Variants in FAM110B observed in about 807,000 individuals in gnomAD.
The protein encoded by FAM110B is protein FAM110B.
Under a neutral mutation model 20.4 loss-of-function variants are expected in FAM110B, and 6 were observed. The ratio of observed to expected loss-of-function variants is 0.29; its 90% confidence interval spans 0.16 to 0.58. The LOEUF (loss-of-function observed/expected upper bound fraction) is 0.58, where lower values mean the gene tolerates loss of function less well. FAM110B is among the 20% of genes least tolerant of loss of function. The probability of loss-of-function intolerance (pLI) is 0.90; values close to 1 mark genes in which losing one functional copy is unlikely to be tolerated. For missense variants in FAM110B, 434 were observed against 498.2 expected (o/e 0.87, Z 1.23); for synonymous variants, 226 against 214.1 (o/e 1.06, Z -0.49).
At chr8:58,044,251 C>T (rs1805278804) in intron 2 of FAM110B, among the ~76,000 whole-genome samples, 1 of 152,172 alleles carries the variant, frequency 6.6e-6, no homozygotes, top group Non-Finnish European at 1.5e-5. Context: ...ACATAGACTA[C>T]CGTGGTCATG....
At chr8:58,030,720 C>A (rs969203915) in intron 1 of FAM110B, among the ~76,000 whole-genome samples, 2 of 152,266 alleles carry the variant, frequency 1.3e-5, no homozygotes, top group Non-Finnish European at 2.9e-5. Flanking sequence ...TTGGCTCCTG[C>A]TTTTGAGTAA....
At chr8:58,018,389 T>C (rs1287971828) in intron 1 of FAM110B, among the ~76,000 whole-genome samples, 3 of 152,184 alleles carry the variant, frequency 2.0e-5, no homozygotes, top group African/African-American at 7.2e-5. Flanking sequence ...AAGTTTACTT[T>C]GTCTGATATT....
At chr8:58,064,324 G>T (rs1229875417) in intron 2 of FAM110B, among the ~76,000 whole-genome samples, 5 of 151,830 alleles carry the variant, frequency 3.3e-5, no homozygotes, top group Non-Finnish European at 7.4e-5. Flanking sequence ...TCATTTTTGG[G>T]GCATGTGATC....
At chr8:58,142,181 A>T (rs1444322641) in intron 3 of FAM110B, among the ~76,000 whole-genome samples, 1 of 152,226 alleles carries the variant, frequency 6.6e-6, no homozygotes, top group Non-Finnish European at 1.5e-5. Context: ...TCATTCAGAG[A>T]CAAGTAACTT....
intron 2 of FAM110B, among the ~76,000 whole-genome samples, chr8:58,039,786 T>C (rs1805168750): frequency 6.6e-6 from 1 of 152,138 alleles, no homozygotes; most frequent in South Asian, 2.1e-4. Flanking sequence ...AGACAGGGAC[T>C]CCGTCCCTTG....
chr8:58,146,984 C>T lies in FAM110B; in HGVS notation c.754C>T (p.Arg252Ter), dbSNP rs1418115256. Residue 252 changes from arginine to a stop codon, truncating the protein, a stop_gained, in exon 4 of 4, where the codon CGA becomes TGA. Transcript: ENST00000519262. LOFTEE classifies it high-confidence loss of function. ...DPVEPACGVS[R>*]RPSLQRSKSD... Reference sequence around the variant, plus strand: ...TGTGGAACCAGCTTGTGGAGTCAGCCGAAGACCCTCCCTCCAGCGGTCTAA... The same window carrying T: ...TGTGGAACCAGCTTGTGGAGTCAGCTGAAGACCCTCCCTCCAGCGGTCTAA... The T allele has an allele frequency of 6.2e-7, 1 of 1,614,206 alleles. No individual in the cohort carries two copies. Among genetic ancestry groups the T allele is most frequent in the Admixed American group, 1.7e-5 (1 of 60,030 alleles).
intron 2 of FAM110B, among the ~76,000 whole-genome samples, chr8:58,040,322 C>T (rs921072999): frequency 1.3e-5 from 2 of 152,194 alleles, no homozygotes; most frequent in Non-Finnish European, 2.9e-5. Flanking sequence ...TTGCTTTCCT[C>T]TAACGTTACC....
chr8:58,074,797 C>G lies in FAM110B; in HGVS notation c.-413-738C>G, dbSNP rs536424406. On this transcript the variant is annotated intron_variant, in intron 2 of 3. Transcript: ENST00000519262. ...TGCGGAGCCCCTCACCTTGAATGGG[C>G]CTCAGTTTCTGGTTCTGTAGATGGG... 2.0e-5 allele frequency among the ~76,000 whole-genome samples: 3 copies of G among 152,220 alleles called. No homozygotes were observed. In the South Asian group the frequency reaches 6.2e-4, roughly 32 times the overall value.
intron 2 of FAM110B, among the ~76,000 whole-genome samples, chr8:58,070,732 A>G (rs922477683): frequency 5.3e-5 from 8 of 152,198 alleles, no homozygotes. Flanking sequence ...TTGAGTCCAC[A>G]CTGTCCTGAA....
chr8:58,028,973 C>T (rs1804912993), intron 1 of FAM110B, among the ~76,000 whole-genome samples: 1 of 152,180 alleles, frequency 6.6e-6, no homozygotes, highest in Non-Finnish European at 1.5e-5. Flanking sequence ...CCTTGGTGAC[C>T]TCCATCATCA....
chr8:58,037,898 C>G (rs1306131738), intron 2 of FAM110B, among the ~76,000 whole-genome samples: 2 of 152,142 alleles, frequency 1.3e-5, no homozygotes, highest in African/African-American at 4.8e-5. Context: ...CTCCTTCCCC[C>G]ACTACAGTTA....
At chr8:58,103,002 GAAAAAAAAA>G (rs60027491) in intron 3 of FAM110B, among the ~76,000 whole-genome samples, 2,382 of 99,310 alleles carry the variant, frequency 0.024, 58 homozygotes, top group African/African-American at 0.071. Flanking sequence ...TGCTTGTTAT[GAAAAAAAAA>G]AAAAAAAAAA....
chr8:57,998,804 A>G (rs1804234967), intron 1 of FAM110B, among the ~76,000 whole-genome samples: 1 of 152,208 alleles, frequency 6.6e-6, no homozygotes, highest in African/African-American at 2.4e-5. Context: ...AGGCTTCTCC[A>G]CTGTTGCAGA....
chr8:58,064,830 A>C (rs935781752), intron 2 of FAM110B, among the ~76,000 whole-genome samples: 8 of 152,230 alleles, frequency 5.3e-5, no homozygotes, highest in Non-Finnish European at 1.0e-4. Flanking sequence ...GGTTTGCGAT[A>C]AAACGTAATA....
intron 3 of FAM110B, among the ~76,000 whole-genome samples, chr8:58,136,999 T>C (rs1369390644): frequency 2.6e-5 from 4 of 152,262 alleles, no homozygotes; most frequent in Non-Finnish European, 1.5e-5. Flanking sequence ...TTGTTTACTC[T>C]AGCCTGTTTC....
chr8:58,143,267 C>A (rs112975959), intron 3 of FAM110B, among the ~76,000 whole-genome samples: 3 of 152,294 alleles, frequency 2.0e-5, no homozygotes, highest in African/African-American at 7.2e-5. Flanking sequence ...CAAACAGTAT[C>A]TTTAGTTTGT....
rs547436445 is a variant in FAM110B at position 58,137,962 on chromosome 8, G to A, written c.-324-7945G>A. On this transcript the variant is annotated intron_variant, in intron 3 of 3. Transcript: ENST00000519262. ...GTTTCTCTTCTCCCAGCTCAGGGCCGCATTGGCTTGGAGACCCTGTGAAGA... is the reference window on the plus strand; with the variant it reads ...GTTTCTCTTCTCCCAGCTCAGGGCCACATTGGCTTGGAGACCCTGTGAAGA... 7.2e-5 allele frequency among the ~76,000 whole-genome samples: 11 copies of A among 152,194 alleles called. No homozygotes were observed. In the East Asian group the frequency reaches 1.2e-3, roughly 16 times the overall value.
chr8:58,065,327 G>T (rs1020434392), intron 2 of FAM110B, among the ~76,000 whole-genome samples: 1 of 152,148 alleles, frequency 6.6e-6, no homozygotes, highest in African/African-American at 2.4e-5. Flanking sequence ...TAGGATATTT[G>T]CTCATGTATT....
intron 1 of FAM110B, among the ~76,000 whole-genome samples, chr8:57,998,563 A>G (rs1343066962): frequency 6.6e-6 from 1 of 152,220 alleles, no homozygotes; most frequent in Non-Finnish European, 1.5e-5. Context: ...TTTTGTACTG[A>G]AAACATTATA....
Sources: gnomAD v4.1 joint callset for allele counts (sites outside exome capture counted in the v4.1 genomes callset) on GRCh38, gnomAD v4.1.1 for gene constraint, MANE v1.5 for transcripts, NCBI Gene and HGNC (gene_info 2026-07-23, HGNC 2026-07-21) for gene names.